The following ZNF846 variants were observed in gnomAD, a reference collection of about 807,000 sequenced individuals.
The protein encoded by ZNF846 is zinc finger protein 846.
A neutral mutation model predicts 16.0 loss-of-function variants in ZNF846; 15 were observed. The observed-to-expected ratio is 0.94, with a 90% CI of 0.63 to 1.45. The LOEUF (loss-of-function observed/expected upper bound fraction) is 1.45, where lower values mean the gene tolerates loss of function less well. Among genes scored for constraint, ZNF846 ranks in the 40% most tolerant of loss-of-function variants. ZNF846 has a pLI of 0.00. For missense variants in ZNF846, 714 were observed against 622.3 expected (o/e 1.15, Z -1.57); for synonymous variants, 229 against 212.0 (o/e 1.08, Z -0.70).
At chr19:9,782,124 C>T (rs2045508151) in intron 1 of ZNF846, among the ~76,000 whole-genome samples, 1 of 151,990 alleles carries the variant, frequency 6.6e-6, no homozygotes, top group African/African-American at 2.4e-5. Context: ...AGAACTTTCC[C>T]TCAATATTTT....
At chr19:9,755,464 C>T (rs991180735), downstream of ZNF846, 1 of 151,416 alleles carries the variant, frequency 6.6e-6, no homozygotes, top group East Asian at 1.9e-4. Context: ...GTTTATTCTT[C>T]CAGTGAGTAT....
At chr19:9,784,061 C>T (rs1445298919) in intron 1 of ZNF846, among the ~76,000 whole-genome samples, 3 of 151,754 alleles carry the variant, frequency 2.0e-5, no homozygotes, top group African/African-American at 7.3e-5. Flanking sequence ...AGATTTTTTT[C>T]GTATTGAAGG....
chr19:9,750,960 C>A (rs180923693), downstream of ZNF846, among the ~76,000 whole-genome samples: 12 of 152,210 alleles, frequency 7.9e-5, no homozygotes, highest in Non-Finnish European at 1.5e-5. Flanking sequence ...TCAGTCTGGC[C>A]TGGTATATGA....
At chr19:9,750,853 C>A (rs2045078154), downstream of ZNF846, among the ~76,000 whole-genome samples, 3 of 152,298 alleles carry the variant, frequency 2.0e-5, no homozygotes, top group South Asian at 6.2e-4. Flanking sequence ...ACTTTAGCTG[C>A]AGTTGTCCTC....
At chr19:9,778,866 A>G (rs560878890) in intron 1 of ZNF846, among the ~76,000 whole-genome samples, 1 of 150,492 alleles carries the variant, frequency 6.6e-6, no homozygotes, top group Non-Finnish European at 1.5e-5. Flanking sequence ...CTGGATTCCA[A>G]CTCCTGGGCT....
At chr19:9,762,011 T>C in intron 4 of ZNF846, 71 bp downstream of exon 4, 1 of 1,339,230 alleles carries the variant, frequency 7.5e-7, no homozygotes, top group Non-Finnish European at 1.1e-6. Context: ...CAAAGTAACA[T>C]TTCCAATGTA....
At chr19:9,759,647 T>C (rs533820580) in intron 5 of ZNF846, among the ~76,000 whole-genome samples, 4 of 151,740 alleles carry the variant, frequency 2.6e-5, no homozygotes, top group African/African-American at 9.7e-5. Flanking sequence ...AAAAACTGAA[T>C]AGCTGAGTTG....
chr19:9,750,592 C>A (rs571130493), downstream of ZNF846, among the ~76,000 whole-genome samples: 49 of 152,304 alleles, frequency 3.2e-4, no homozygotes, highest in African/African-American at 1.2e-3. Flanking sequence ...TCCTTACCCC[C>A]AAAATCCAGT....
At chr19:9,765,097 G>T in intron 1 of ZNF846, 62 bp from the exon 2 acceptor site, 1 of 892,584 alleles carries the variant, frequency 1.1e-6, no homozygotes, top group Non-Finnish European at 1.8e-6. Flanking sequence ...TTCAGGCTAG[G>T]CATGGTGGCT....
chr19:9,763,272 C>G lies in ZNF846; in HGVS notation c.142+10G>C, dbSNP rs769447001. ...TAAAGGGGTCAGTGAAGAAATGATG[C>G]CAGTTTTACCTAGTATAATGAGATT... On this transcript the variant is annotated intron_variant, in intron 3 of 5. Coordinates refer to ENST00000397902, the Ensembl canonical transcript of ZNF846. The G allele has an allele frequency of 3.2e-6, 5 of 1,559,312 alleles. No individual in the cohort carries two copies. Among genetic ancestry groups the G allele is most frequent in the Non-Finnish European group, 4.3e-6 (5 of 1,153,582 alleles).
chr19:9,775,042 G>A, intron 1 of ZNF846: 3 of 1,267,776 alleles, frequency 2.4e-6, no homozygotes, highest in South Asian at 2.8e-5. Context: ...AGGACTCTGT[G>A]GAAATTGACA....
chr19:9,777,848 A>T (rs1383522432), intron 1 of ZNF846, among the ~76,000 whole-genome samples: 1 of 152,130 alleles, frequency 6.6e-6, no homozygotes, highest in African/African-American at 2.4e-5. Context: ...AAATACAAAA[A>T]AAAAGCCAGA....
chr19:9,779,426 G>A (rs1476792205), intron 1 of ZNF846, among the ~76,000 whole-genome samples: 11 of 148,116 alleles, frequency 7.4e-5, no homozygotes, highest in South Asian at 2.1e-4. Context: ...GCGCCACCAC[G>A]CCTGGCTAAT....
At chr19:9,774,022 T>C (rs973401037) in intron 1 of ZNF846, among the ~76,000 whole-genome samples, 1 of 152,144 alleles carries the variant, frequency 6.6e-6, no homozygotes, top group Non-Finnish European at 1.5e-5. Flanking sequence ...TTTAGACTTA[T>C]CAAAAAATGT....
chr19:9,757,794 C>T, exon 6 of ZNF846: 1 of 1,613,588 alleles, frequency 6.2e-7, no homozygotes, highest in Non-Finnish European at 8.5e-7. Context: ...GAAAGCTTTC[C>T]CACATTCTTT....
upstream of ZNF846, among the ~76,000 whole-genome samples, chr19:9,771,609 A>T (rs1408274621): frequency 6.6e-6 from 1 of 152,228 alleles, no homozygotes; most frequent in Non-Finnish European, 1.5e-5. Flanking sequence ...CAGGTTGCTC[A>T]GAATGCTATG....
downstream of ZNF846, among the ~76,000 whole-genome samples, chr19:9,750,568 A>G (rs1473857886): frequency 1.3e-5 from 2 of 152,166 alleles, no homozygotes; most frequent in African/African-American, 2.4e-5. Context: ...GGATGGGCAC[A>G]TGTACTCTAG....
chr19:9,769,641 G>T (rs188543209), upstream of ZNF846, among the ~76,000 whole-genome samples: 130 of 152,152 alleles, frequency 8.5e-4, no homozygotes, highest in Middle Eastern at 3.4e-3. Flanking sequence ...AGAATCGCTT[G>T]AGCCCAGGAG....
At chr19:9,763,000 T>C (rs1272962032) in intron 3 of ZNF846, among the ~76,000 whole-genome samples, 2 of 152,100 alleles carry the variant, frequency 1.3e-5, no homozygotes, top group African/African-American at 4.8e-5. Flanking sequence ...AAAAATTAGA[T>C]GGCCATGGTG....
Sources: allele counts gnomAD v4.1 joint callset (sites outside exome capture counted in the v4.1 genomes callset), GRCh38; gene constraint gnomAD v4.1.1; transcripts MANE v1.5; gene names NCBI Gene and HGNC (gene_info 2026-07-23, HGNC 2026-07-21).